Variants in CAPZA2 observed in about 807,000 individuals in gnomAD.
CAPZA2 encodes the protein capping actin protein of muscle Z-line subunit alpha 2, also known as F-actin-capping protein subunit alpha-2.
CAPZA2 carries 13 observed loss-of-function variants against 44.0 expected under a neutral mutation model. That is an observed-to-expected ratio of 0.30 (90% CI 0.19 to 0.47). The LOEUF (loss-of-function observed/expected upper bound fraction) is 0.47. Ranked by LOEUF, CAPZA2 falls within the 20% of genes least tolerant of loss-of-function variation. CAPZA2 has a pLI of 1.00. For missense variants in CAPZA2, 244 were observed against 338.6 expected (o/e 0.72, Z 2.19); for synonymous variants, 94 against 108.2 (o/e 0.87, Z 0.81).
intron 1 of CAPZA2, chr7:116,885,941 A>C (rs1332263750): frequency 6.5e-6 from 1 of 154,014 alleles, no homozygotes; most frequent in African/African-American, 2.4e-5. Flanking sequence ...CCTGGAGTGG[A>C]GGTTAGGAGG....
chr7:116,919,964 G>T lies in CAPZA2; in HGVS notation c.*2097G>T, dbSNP rs930364890. The T allele has an allele frequency of 6.6e-6, 1 of 150,894 alleles. No individual in the cohort carries two copies. Among genetic ancestry groups the T allele is most frequent in the Non-Finnish European group, 1.5e-5 (1 of 67,832 alleles). 9.3% of individuals were successfully genotyped at this position (150,894 alleles called of 1,614,324 possible). On this transcript the variant is annotated 3_prime_UTR_variant, in exon 10 of 10. Coordinates refer to ENST00000361183, the MANE Select transcript of CAPZA2 (RefSeq NM_006136.3). ...ATAGTATAAGAATGGCATTTATTAG[G>T]CAGGGCACAGTGGCTCACACCTGTA... is the stretch of plus-strand genomic sequence containing the variant.
In CAPZA2 at chr7:116,917,828, C is replaced by A; in HGVS notation, c.822C>A (p.Ile274=). The A allele has an allele frequency of 6.2e-7, 1 of 1,612,774 alleles. No homozygotes were observed. Among genetic ancestry groups the A allele is most frequent in the African/African-American group, 1.3e-5 (1 of 75,018 alleles). Residue 274 remains isoleucine (I), a synonymous_variant, in exon 10 of 10, where the codon ATC becomes ATA. Coordinates refer to ENST00000361183, the MANE Select transcript of CAPZA2 (RefSeq NM_006136.3). The part of the protein sequence containing the change: ...VTRTKIDWNK[I]LSYKIGKEMQ... ...GCACTAAGATTGATTGGAACAAGATCCTTAGCTACAAGATTGGCAAAGAGA... is the reference window on the plus strand; with the variant it reads ...GCACTAAGATTGATTGGAACAAGATACTTAGCTACAAGATTGGCAAAGAGA...
chr7:116,909,025 C>A (rs1400034678), intron 6 of CAPZA2, among the ~76,000 whole-genome samples: 7 of 152,120 alleles, frequency 4.6e-5, no homozygotes, highest in Admixed American at 4.6e-4. Flanking sequence ...ATCATACTTA[C>A]CAGTTTAACA....
intron 1 of CAPZA2, among the ~76,000 whole-genome samples, chr7:116,873,059 T>C (rs1413706659): frequency 6.6e-6 from 1 of 152,138 alleles, no homozygotes; most frequent in African/African-American, 2.4e-5. Flanking sequence ...ATCTGAAAAA[T>C]TCCTACCCTA....
Position 116,899,589 on chromosome 7 carries a change from G to T in CAPZA2, c.219+754G>T, listed in dbSNP as rs565392672. On this transcript the variant is annotated intron_variant, in intron 4 of 9. Coordinates refer to ENST00000361183, the MANE Select transcript of CAPZA2 (RefSeq NM_006136.3). ...TAAGCTTATTTATAGATATGTGTGT[G>T]TATATACAAAGCTATGTAGAGTGTC... Among the ~76,000 whole-genome samples the T allele has an allele frequency of 3.3e-5, 5 of 150,738 alleles. No homozygotes were observed. The East Asian group carries it at 7.8e-4, about 24-fold the overall frequency.
At chr7:116,909,866 TTTTG>T (rs1791566022) in intron 6 of CAPZA2, 1 of 192,278 alleles carries the variant, frequency 5.2e-6, no homozygotes, top group South Asian at 1.0e-4. Context: ...TTTTGTTTTG[TTTTG>T]TTTTTTTTAA....
chr7:116,888,724 T>C (rs1796795238), intron 2 of CAPZA2: 1 of 148,766 alleles, frequency 6.7e-6, no homozygotes, highest in South Asian at 2.1e-4. Context: ...CATGCTCCTG[T>C]TTTGAGAGGC....
chr7:116,867,317 G>A (rs1249351374), intron 1 of CAPZA2, among the ~76,000 whole-genome samples: 3 of 152,076 alleles, frequency 2.0e-5, no homozygotes, highest in African/African-American at 7.2e-5. Flanking sequence ...CCACTGTTAG[G>A]CTTTTACTAG....
chr7:116,905,312 A>T (rs1388967798), intron 5 of CAPZA2, among the ~76,000 whole-genome samples: 1 of 152,072 alleles, frequency 6.6e-6, no homozygotes, highest in Non-Finnish European at 1.5e-5. Flanking sequence ...AATGCAAATC[A>T]GGTCATTAAA....
intron 1 of CAPZA2, among the ~76,000 whole-genome samples, chr7:116,871,721 A>G (rs1379296958): frequency 6.6e-6 from 1 of 152,202 alleles, no homozygotes; most frequent in Non-Finnish European, 1.5e-5. Flanking sequence ...ATCCTGACAT[A>G]CCTCTGCTCC....
At chr7:116,874,759 C>T (rs949646546) in intron 1 of CAPZA2, 1 of 152,228 alleles carries the variant, frequency 6.6e-6, no homozygotes, top group Admixed American at 6.5e-5. Context: ...TTTCCTTTCT[C>T]TCCTAAGGGA....
At chr7:116,909,980 G>A (rs1457824922) in intron 6 of CAPZA2, 2 of 455,494 alleles carry the variant, frequency 4.4e-6, no homozygotes, top group Non-Finnish European at 8.1e-6. Context: ...TGTATTTTAA[G>A]CCTTAGCTTT....
At position 116,920,810 on chromosome 7, in the gene CAPZA2, G is replaced by A. The variant is rs1253198188; in HGVS notation, c.*2943G>A. 1 of 152,292 alleles carries A rather than the reference G, an allele frequency of 6.6e-6. No homozygotes were observed. Among genetic ancestry groups the A allele is most frequent in the Non-Finnish European group, 1.5e-5 (1 of 68,106 alleles). The allele number at this position is 152,292 out of a possible 1,614,324, so 9.4% of individuals were successfully genotyped here. ...CAAGGTTAGTGATAATGAATTTAAA[G>A]TAAATGAGACCAATGATGAGCATGG... On this transcript the variant is annotated 3_prime_UTR_variant, in exon 10 of 10. Transcript: ENST00000361183.
At chr7:116,868,422 A>G (rs998707251) in intron 1 of CAPZA2, among the ~76,000 whole-genome samples, 11 of 152,172 alleles carry the variant, frequency 7.2e-5, no homozygotes, top group African/African-American at 2.7e-4. Flanking sequence ...ATTTCATAAT[A>G]TTAATGTAAA....
chr7:116,903,233 A>AGTGTGTGTGTGTGT (rs71148342), intron 4 of CAPZA2, among the ~76,000 whole-genome samples: 16 of 146,436 alleles, frequency 1.1e-4, no homozygotes, highest in African/African-American at 2.2e-4. Context: ...TGCAGAGAAG[A>AGTGTGTGTGTGTGT]GTGTGTGTGT....
intron 1 of CAPZA2, among the ~76,000 whole-genome samples, chr7:116,873,265 T>G (rs968443647): frequency 3.3e-5 from 5 of 152,180 alleles, no homozygotes; most frequent in Non-Finnish European, 7.3e-5. Context: ...GCTTCTAAAT[T>G]TAATGGCTCT....
rs1791738813 is a variant in CAPZA2, at chr7:116,919,724, G to T, written c.*1857G>T. 6.6e-6 allele frequency: 1 copy of T among 151,646 alleles called. No homozygotes were observed. Among genetic ancestry groups the T allele is most frequent in the South Asian group, 2.1e-4 (1 of 4,794 alleles). The allele number at this position is 151,646 out of a possible 1,614,324, so 9.4% of individuals were successfully genotyped here. A position where few individuals can be genotyped will look rare whatever the true frequency, so the allele number is the denominator to read the frequency against. On this transcript the variant is annotated 3_prime_UTR_variant, in exon 10 of 10. Transcript: ENST00000361183. ...ACTAAAAATACAAAAAATTAGCCGG[G>T]TGTGGTGACAGGCGCTTGTAGTCCC...
intron 3 of CAPZA2, among the ~76,000 whole-genome samples, chr7:116,896,410 G>A (rs1165806043): frequency 6.6e-6 from 1 of 152,000 alleles, no homozygotes; most frequent in Admixed American, 6.6e-5. Context: ...AGCCTTTTAG[G>A]GATTTTCCAG....
intron 1 of CAPZA2, among the ~76,000 whole-genome samples, chr7:116,866,373 G>T (rs1265631993): frequency 1.3e-5 from 2 of 151,954 alleles, no homozygotes; most frequent in South Asian, 2.1e-4. Flanking sequence ...GGGTTTCACC[G>T]TGTTAGCCAG....
Sources: allele counts gnomAD v4.1 joint callset (sites outside exome capture counted in the v4.1 genomes callset), GRCh38; gene constraint gnomAD v4.1.1; transcripts MANE v1.5; gene names NCBI Gene and HGNC (gene_info 2026-07-23, HGNC 2026-07-21).